Variants in URGCP observed in about 807,000 individuals in gnomAD.
URGCP encodes upregulator of cell proliferation, also known as up-regulator of cell proliferation.
A neutral mutation model predicts 24.6 loss-of-function variants in URGCP; 13 were observed. The ratio of observed to expected loss-of-function variants is 0.53; its 90% confidence interval spans 0.34 to 0.84. URGCP has a LOEUF of 0.84. URGCP is among the 40% of genes least tolerant of loss of function. The pLI, the probability that URGCP is intolerant of heterozygous loss-of-function variation, is 0.01. For missense variants in URGCP, 899 were observed against 1,194.3 expected (o/e 0.75, Z 3.64); for synonymous variants, 444 against 487.2 (o/e 0.91, Z 1.17).
rs2132647288 is a variant in URGCP, at chr7:43,878,335, C to T, written c.1128G>A (p.Met376Ile). Residue 376 changes from methionine to isoleucine, a missense_variant, in exon 6 of 6, where the codon ATG (methionine) becomes ATA (isoleucine). Coordinates refer to ENST00000453200, the MANE Select transcript of URGCP (RefSeq NM_001077663.3). The surrounding 1 kb of genome is among the most constrained non-coding windows in gnomAD (Gnocchi z 5.6). The stretch of plus-strand genomic sequence containing the variant: ...AGTAGTATTTTGTGGTTGACTCCTT[C>T]ATGGAGTACAGCAATTTGTATTCCT... ...SKKEYKLLYS[M>I]KESTTKYYFI... The T allele has an allele frequency of 6.2e-7, 1 of 1,614,236 alleles. No homozygotes were observed. Among genetic ancestry groups the T allele is most frequent in the Non-Finnish European group, 8.5e-7 (1 of 1,180,054 alleles).
At position 43,877,714 on chromosome 7, in the gene URGCP, T is replaced by C. The variant is rs768347931; in HGVS notation, c.1749A>G (p.Arg583=). Residue 583 remains arginine, a synonymous_variant, in exon 6 of 6, where the codon AGA becomes AGG. Coordinates refer to ENST00000453200, the MANE Select transcript of URGCP (RefSeq NM_001077663.3). ...GGGTGAGAAGCGTCTCCGGAGGCTGTCTCAGTCGCGGCTGGGCCACCCGTG... is the reference window on the plus strand; with the variant it reads ...GGGTGAGAAGCGTCTCCGGAGGCTGCCTCAGTCGCGGCTGGGCCACCCGTG... ...GLARVAQPRL[R]QPPETLLTLR... 5 of 1,612,854 alleles carry C rather than the reference T, an allele frequency of 3.1e-6. No homozygotes were observed. The highest frequency in any genetic ancestry group is 1.7e-5 in the Admixed American group (1 of 59,896).
intron 1 of URGCP, among the ~76,000 whole-genome samples, chr7:43,891,802 C>T (rs1449709681): frequency 2.0e-5 from 3 of 151,880 alleles, no homozygotes; most frequent in East Asian, 1.9e-4. Context: ...TTTTTCCCCC[C>T]GAGACAGTCT....
At chr7:43,897,276 C>A (rs1456867876) in intron 1 of URGCP, among the ~76,000 whole-genome samples, 1 of 152,192 alleles carries the variant, frequency 6.6e-6, no homozygotes, top group African/African-American at 2.4e-5. Context: ...ACAGAGAAAA[C>A]AAGGCACAGG....
chr7:43,881,336 A>C, intron 5 of URGCP: 1 of 667,802 alleles, frequency 1.5e-6, no homozygotes, highest in East Asian at 2.7e-5. Flanking sequence ...CATTAGAATC[A>C]ATCACTTCAG....
chr7:43,891,148 T>C (rs867341210), intron 1 of URGCP, among the ~76,000 whole-genome samples: 1 of 152,196 alleles, frequency 6.6e-6, no homozygotes, highest in Non-Finnish European at 1.5e-5. Flanking sequence ...TGGCACTCCC[T>C]GGACAGTCCA....
At chr7:43,888,055 G>T in intron 1 of URGCP, 1 of 485,366 alleles carries the variant, frequency 2.1e-6, no homozygotes, top group Non-Finnish European at 3.7e-6. Flanking sequence ...AGTATGCACA[G>T]TATGATTACA....
At chr7:43,918,965 C>T (rs1417437963) in intron 1 of URGCP, 19 of 1,330,724 alleles carry the variant, frequency 1.4e-5, no homozygotes, top group Middle Eastern at 1.8e-4. Context: ...ACCCAGAGAA[C>T]ATCTACCTGT....
At chr7:43,908,455 AT>A (rs1385238116), upstream of URGCP, among the ~76,000 whole-genome samples, 3 of 152,152 alleles carry the variant, frequency 2.0e-5, no homozygotes, top group African/African-American at 7.2e-5. Context: ...TAACCCCAAA[AT>A]ATGGCACTTT....
intron 1 of URGCP, among the ~76,000 whole-genome samples, chr7:43,891,527 G>A (rs1256588121): frequency 6.6e-6 from 1 of 152,058 alleles, no homozygotes; most frequent in Non-Finnish European, 1.5e-5. Flanking sequence ...GCTATCATCA[G>A]ACCCTCGGCT....
intron 3 of URGCP, among the ~76,000 whole-genome samples, chr7:43,885,635 T>C (rs2095861032): frequency 6.6e-6 from 1 of 152,130 alleles, no homozygotes; most frequent in African/African-American, 2.4e-5. Flanking sequence ...GATTGATAAG[T>C]ATCTTAGAGG....
chr7:43,911,418 A>G (rs1432408380), upstream of URGCP, among the ~76,000 whole-genome samples: 1 of 148,632 alleles, frequency 6.7e-6, no homozygotes, highest in African/African-American at 2.5e-5. Context: ...AAATAGGGCC[A>G]GGCGCGGTGG....
intron 1 of URGCP, among the ~76,000 whole-genome samples, chr7:43,900,459 AAAACC>A (rs1246726940): frequency 3.3e-4 from 43 of 129,108 alleles, no homozygotes; most frequent in East Asian, 6.9e-4. Context: ...TGCCTCAAAA[AAAACC>A]AAAACAAAAA....
chr7:43,887,478 C>G lies in URGCP; in HGVS notation c.49G>C (p.Asp17His). Reference sequence around the variant, plus strand: ...ATTTCTGGGGCTACTTCTCCCAAATCTGAATGCCTGAAACAATTTCAGAAG... The same window carrying G: ...ATTTCTGGGGCTACTTCTCCCAAATGTGAATGCCTGAAACAATTTCAGAAG... ...EVELLGKGHS[D>H]LGEVAPEIKA... The change falls in exon 3 of 6, where the codon GAT becomes CAT. Residue 17 changes from aspartate (D) to histidine (H), a missense_variant. By Grantham distance (81) the Asp-to-His change is moderately conservative (BLOSUM62 -1). Coordinates refer to ENST00000453200, the MANE Select transcript of URGCP (RefSeq NM_001077663.3). 2 of 1,613,832 alleles carry G rather than the reference C, an allele frequency of 1.2e-6. No homozygotes were observed. Among genetic ancestry groups the G allele is most frequent in the South Asian group, 1.1e-5 (1 of 91,034 alleles).
At chr7:43,907,088 T>C (rs1441604076), upstream of URGCP, 2 of 152,280 alleles carry the variant, frequency 1.3e-5, no homozygotes, top group African/African-American at 2.4e-5. Context: ...AGTGGCCTTG[T>C]GAAGCTCTAG....
At chr7:43,903,961 G>C (rs931603858) in intron 1 of URGCP, among the ~76,000 whole-genome samples, 1 of 152,212 alleles carries the variant, frequency 6.6e-6, no homozygotes, top group African/African-American at 2.4e-5. Context: ...TTGTGAGACA[G>C]CCAAGCAAGG....
chr7:43,878,303 A>G lies in URGCP; in HGVS notation c.1160T>C (p.Leu387Pro). 6.2e-7 allele frequency: 1 copy of G among 1,614,236 alleles called. No individual in the cohort carries two copies. Among genetic ancestry groups the G allele is most frequent in the Non-Finnish European group, 8.5e-7 (1 of 1,180,044 alleles). The change falls in exon 6 of 6, where the codon CTG (leucine) becomes CCG (proline). Residue 387 changes from leucine to proline, a missense_variant. Transcript: ENST00000453200. This position sits in a 1 kb window ranked among gnomAD's most constrained non-coding sequence, Gnocchi z 5.6. ...GTTGCGCTTCCCACGGTAGGGACTC[A>G]GGATGAAGTAGTATTTTGTGGTTGA... ...KESTTKYYFI[L>P]SPYRGKRNTN... is the part of the protein sequence containing the mutation.
At chr7:43,896,427 C>G (rs1217806394) in intron 1 of URGCP, among the ~76,000 whole-genome samples, 1 of 149,356 alleles carries the variant, frequency 6.7e-6, no homozygotes. Context: ...GACAATCCAG[C>G]CTGGGCGACA....
intron 1 of URGCP, 75 bp from the exon 2 acceptor site, chr7:43,887,891 T>C: frequency 1.1e-6 from 1 of 942,812 alleles, no homozygotes; most frequent in East Asian, 2.8e-5. Context: ...AACTGATGCC[T>C]TTTAAAATCA....
chr7:43,902,556 T>C (rs1278774796), intron 1 of URGCP, among the ~76,000 whole-genome samples: 2 of 152,222 alleles, frequency 1.3e-5, no homozygotes, highest in Middle Eastern at 3.2e-3. Flanking sequence ...CACTTGCTGT[T>C]ACCCACTGGA....
Sources: gnomAD v4.1 joint callset for allele counts (sites outside exome capture counted in the v4.1 genomes callset) on GRCh38, gnomAD v4.1.1 for gene constraint, Gnocchi (gnomAD v3.1) non-coding constraint, MANE v1.5 for transcripts, NCBI Gene and HGNC (gene_info 2026-07-23, HGNC 2026-07-21) for gene names.